MAPKAP1: variants seen among roughly 807,000 people sequenced by gnomAD.
The protein encoded by MAPKAP1 is target of rapamycin complex 2 subunit MAPKAP1.
MAPKAP1 carries 20 observed loss-of-function variants against 65.7 expected under a neutral mutation model. That is an observed-to-expected ratio of 0.30 (90% CI 0.21 to 0.44). The LOEUF (loss-of-function observed/expected upper bound fraction) is 0.44. MAPKAP1 is among the 20% of genes least tolerant of loss of function. MAPKAP1 has a pLI of 1.00. For missense variants in MAPKAP1, 423 were observed against 648.0 expected, an observed-to-expected ratio of 0.65 and a Z score of 3.77; for synonymous variants, 222 against 244.3, an observed-to-expected ratio of 0.91 and a Z score of 0.85.
intron 6 of MAPKAP1, among the ~76,000 whole-genome samples, chr9:125,546,375 C>T (rs530756330): frequency 3.9e-5 from 6 of 152,304 alleles, no homozygotes; most frequent in Admixed American, 2.0e-4. Context: ...TCTTGTTCCA[C>T]GTCTACAGCG....
chr9:125,596,963 TAAA>T (rs56718500), intron 4 of MAPKAP1, among the ~76,000 whole-genome samples: 2 of 129,352 alleles, frequency 1.5e-5, no homozygotes. Flanking sequence ...AAATGTGTCT[TAAA>T]AAAAAAAAAA....
chr9:125,469,124 TA>T (rs1853800442), intron 9 of MAPKAP1, among the ~76,000 whole-genome samples: 1 of 152,092 alleles, frequency 6.6e-6, no homozygotes, highest in African/African-American at 2.4e-5. Flanking sequence ...TATGGAACCT[TA>T]AAAGTAATTA....
At chr9:125,479,527 C>A (rs1854230861) in intron 9 of MAPKAP1, among the ~76,000 whole-genome samples, 1 of 151,812 alleles carries the variant, frequency 6.6e-6, no homozygotes, top group Non-Finnish European at 1.5e-5. Flanking sequence ...TTGCAGTGAG[C>A]CGAGACTGTA....
chr9:125,673,189 T>C (rs1223687462), intron 1 of MAPKAP1, among the ~76,000 whole-genome samples: 1 of 152,194 alleles, frequency 6.6e-6, no homozygotes, highest in East Asian at 1.9e-4. Context: ...TCAATGAATA[T>C]ATTTTCCTGT....
At chr9:125,503,880 CTTTTTTTTT>C (rs35867576) in intron 8 of MAPKAP1, among the ~76,000 whole-genome samples, 96 of 66,250 alleles carry the variant, frequency 1.4e-3, no homozygotes, top group Non-Finnish European at 1.7e-3. Context: ...CCACGCTTGG[CTTTTTTTTT>C]TTTTTTTTTT....
chr9:125,462,398 T>C (rs1853530833), intron 10 of MAPKAP1, among the ~76,000 whole-genome samples: 1 of 152,194 alleles, frequency 6.6e-6, no homozygotes, highest in African/African-American at 2.4e-5. Flanking sequence ...GAAGTTTGTA[T>C]CTTCACAAGG....
intron 4 of MAPKAP1, among the ~76,000 whole-genome samples, chr9:125,631,591 T>G (rs1358627169): frequency 6.6e-6 from 1 of 152,208 alleles, no homozygotes; most frequent in Non-Finnish European, 1.5e-5. Flanking sequence ...CTACTTTTGC[T>G]AACCACAGCC....
chr9:125,627,501 G>A (rs548939539), intron 4 of MAPKAP1, among the ~76,000 whole-genome samples: 30 of 152,326 alleles, frequency 2.0e-4, no homozygotes, highest in African/African-American at 7.2e-4. Flanking sequence ...GGCAGAGAGA[G>A]TGGGATGGGA....
At chr9:125,692,130 C>A (rs567836391) in intron 1 of MAPKAP1, among the ~76,000 whole-genome samples, 9 of 152,228 alleles carry the variant, frequency 5.9e-5, no homozygotes, top group African/African-American at 2.2e-4. Context: ...TTAAACAGAG[C>A]GTTACCATAT....
chr9:125,491,447 AT>A (rs1854723620), intron 8 of MAPKAP1, among the ~76,000 whole-genome samples: 1 of 151,860 alleles, frequency 6.6e-6, no homozygotes. Context: ...TCTCAAAAAA[AT>A]TTTTTTTAAA....
At chr9:125,498,003 T>C (rs1228246866) in intron 8 of MAPKAP1, among the ~76,000 whole-genome samples, 1 of 152,180 alleles carries the variant, frequency 6.6e-6, no homozygotes, top group Non-Finnish European at 1.5e-5. Flanking sequence ...ATATAGAAGC[T>C]TGGACAAGAA....
rs556069093 is a variant in MAPKAP1, at chr9:125,502,260, C to A, written c.1066+4050G>T. ...GGGATTACAGGCACTTACCACCATG[C>A]CTGGCTAATTTTTAAATTTTTAGTA... On this transcript the variant is annotated intron_variant, in intron 8 of 11. Coordinates refer to ENST00000265960, the MANE Select transcript of MAPKAP1 (RefSeq NM_001006617.3). Among the ~76,000 whole-genome samples, 31 of 152,182 alleles carry A rather than the reference C, an allele frequency of 2.0e-4. 1 individual carries two copies. The highest frequency in any genetic ancestry group is 6.5e-4 in the African/African-American group (27 of 41,518).
intron 7 of MAPKAP1, among the ~76,000 whole-genome samples, chr9:125,517,774 G>A (rs1381454986): frequency 6.6e-6 from 1 of 152,094 alleles, no homozygotes; most frequent in African/African-American, 2.4e-5. Context: ...GCATCCTTTT[G>A]GCATATCCCC....
intron 5 of MAPKAP1, among the ~76,000 whole-genome samples, chr9:125,561,232 C>T (rs1034515643): frequency 1.3e-5 from 2 of 152,186 alleles, no homozygotes; most frequent in Non-Finnish European, 2.9e-5. Flanking sequence ...ATTTCACTGA[C>T]TACCTGACTT....
chr9:125,646,310 TCAAAA>T (rs542264994), intron 4 of MAPKAP1, among the ~76,000 whole-genome samples: 46 of 151,908 alleles, frequency 3.0e-4, no homozygotes, highest in African/African-American at 6.8e-4. Flanking sequence ...CCCTGTCTCT[TCAAAA>T]CAAAACAAAA....
intron 5 of MAPKAP1, among the ~76,000 whole-genome samples, chr9:125,564,516 T>C (rs914348405): frequency 2.6e-5 from 4 of 152,200 alleles, no homozygotes; most frequent in African/African-American, 9.6e-5. Flanking sequence ...GTATGAAGAA[T>C]GCAGGGAAAT....
Position 125,669,918 on chromosome 9 carries a change from AATATT to A in MAPKAP1, c.260-16_260-12del. On this transcript the variant is annotated splice_polypyrimidine_tract_variant and intron_variant, in intron 2 of 11. Transcript: ENST00000265960. ...GTTCTAATCTTTGAGCTTGAAAAGA[AATATT>A]ATAACTGTAAGTTTGTCAATGAAAG... is the stretch of plus-strand genomic sequence containing the variant. 6.7e-7 allele frequency: 1 copy of A among 1,500,656 alleles called. No individual in the cohort carries two copies. The allele number at this position is 1,500,656 out of a possible 1,614,324, so 93.0% of individuals were successfully genotyped here.
At chr9:125,664,406 C>G (rs1834279153) in intron 3 of MAPKAP1, among the ~76,000 whole-genome samples, 1 of 151,038 alleles carries the variant, frequency 6.6e-6, no homozygotes. Context: ...AGACCAATAA[C>G]AAAGGTATGA....
intron 1 of MAPKAP1, among the ~76,000 whole-genome samples, chr9:125,687,178 G>A (rs1439015955): frequency 2.0e-5 from 3 of 148,354 alleles, no homozygotes; most frequent in African/African-American, 7.5e-5. Context: ...ATAACTACAA[G>A]AGTTAAAGGT....
Sources: gnomAD v4.1 joint callset for allele counts (sites outside exome capture counted in the v4.1 genomes callset) on GRCh38, gnomAD v4.1.1 for gene constraint, MANE v1.5 for transcripts, NCBI Gene and HGNC (gene_info 2026-07-23, HGNC 2026-07-21) for gene names.